CEP295: variants seen among roughly 807,000 people sequenced by gnomAD.
CEP295 encodes the protein centrosomal protein of 295 kDa.
In CEP295, 190 loss-of-function variants were observed where a neutral mutation model predicts 291.6. That is an observed-to-expected ratio of 0.65 (90% CI 0.58 to 0.73). The LOEUF is 0.73. CEP295 is among the 30% of genes least tolerant of loss of function. The pLI is 0.00. For synonymous variants in CEP295, 993 were observed against 1,038.8 expected (o/e 0.96, Z 0.85); for missense variants, 2,863 against 2,949.4 (o/e 0.97, Z 0.68).
intron 6 of CEP295, among the ~76,000 whole-genome samples, chr11:93,677,162 C>T (rs1283703648): frequency 6.6e-6 from 1 of 152,046 alleles, no homozygotes; most frequent in South Asian, 2.1e-4. Flanking sequence ...ATAAAATTAC[C>T]TCTGAATTTT....
chr11:93,678,550 A>G (rs1410099146), intron 6 of CEP295, among the ~76,000 whole-genome samples: 1 of 152,226 alleles, frequency 6.6e-6, no homozygotes, highest in East Asian at 1.9e-4. Flanking sequence ...CAGAATTTCA[A>G]CATACAAAAG....
chr11:93,718,614 T>C (rs1953445182), intron 18 of CEP295, among the ~76,000 whole-genome samples: 1 of 152,222 alleles, frequency 6.6e-6, no homozygotes, highest in Admixed American at 6.5e-5. Flanking sequence ...GAGGGAGTCT[T>C]CTAGGTATAT....
chr11:93,664,293 C>T (rs558857335), intron 1 of CEP295, among the ~76,000 whole-genome samples: 1 of 152,176 alleles, frequency 6.6e-6, no homozygotes, highest in Non-Finnish European at 1.5e-5. Context: ...ATTTTCGCCA[C>T]TCCACATATT....
chr11:93,728,578 C>T (rs1937738771), intron 24 of CEP295, 103 bp from the exon 25 acceptor site: 2 of 969,546 alleles, frequency 2.1e-6, no homozygotes, highest in African/African-American at 3.4e-5. Flanking sequence ...TCCATTTTCA[C>T]ATTTATATAC....
intron 1 of CEP295, among the ~76,000 whole-genome samples, chr11:93,665,931 AC>A (rs1485384040): frequency 6.6e-6 from 1 of 152,172 alleles, no homozygotes; most frequent in Non-Finnish European, 1.5e-5. Context: ...AATTACAGCA[AC>A]CTTGCTAGTT....
chr11:93,699,071 A>G lies in CEP295; in HGVS notation c.4159A>G (p.Ile1387Val), dbSNP rs1443297992. The G allele has an allele frequency of 6.5e-7, 1 of 1,546,274 alleles. No individual in the cohort carries two copies. Among genetic ancestry groups the G allele is most frequent in the East Asian group, 2.4e-5 (1 of 40,924 alleles). The change falls in exon 15 of 30, where the codon ATA (isoleucine) becomes GTA (valine). Residue 1387 changes from isoleucine to valine, a missense_variant. By Grantham distance (29) the Ile-to-Val change is conservative (BLOSUM62 3). Coordinates refer to ENST00000325212, the MANE Select transcript of CEP295 (RefSeq NM_033395.2). ...ACATCAGAGTGAATGGGAGGGAAGA[A>G]TATCTCCCGAGCAGGTTGACACCTC... is the stretch of plus-strand genomic sequence containing the variant. ...LLHQSEWEGR[I>V]SPEQVDTSSL...
intron 21 of CEP295, chr11:93,723,714 G>A (rs1374378705): frequency 6.3e-6 from 1 of 159,620 alleles, no homozygotes; most frequent in Non-Finnish European, 1.4e-5. Context: ...AAAGCACAAT[G>A]TCTGGCCCAT....
intron 17 of CEP295, among the ~76,000 whole-genome samples, chr11:93,705,056 T>C (rs974094599): frequency 1.7e-4 from 26 of 152,322 alleles, no homozygotes; most frequent in Non-Finnish European, 3.7e-4. Context: ...AATTGTCTTA[T>C]TTATTTAATT....
rs1044386923 is a variant in CEP295 at position 93,723,026 on chromosome 11, A to G, written c.5948-15A>G. ...CCTGGCCTATTTACATATTTTCATTAAACTCAATTTTCAGAGTCATTTTCA... is the reference window on the plus strand; with the variant it reads ...CCTGGCCTATTTACATATTTTCATTGAACTCAATTTTCAGAGTCATTTTCA... On this transcript the variant is annotated splice_polypyrimidine_tract_variant and intron_variant, in intron 20 of 29. Transcript: ENST00000325212. 40 of 1,546,814 alleles carry G rather than the reference A, an allele frequency of 2.6e-5. No individual in the cohort carries two copies. In the Admixed American group the frequency reaches 8.0e-4, roughly 31 times the overall value.
chr11:93,715,166 C>G (rs991101827), intron 18 of CEP295, among the ~76,000 whole-genome samples: 1 of 152,132 alleles, frequency 6.6e-6, no homozygotes, highest in African/African-American at 2.4e-5. Flanking sequence ...CTACTGGGTA[C>G]TCTACTGTGG....
chr11:93,713,314 T>A (rs920455897), intron 18 of CEP295, among the ~76,000 whole-genome samples: 7 of 152,230 alleles, frequency 4.6e-5, no homozygotes, highest in Non-Finnish European at 1.0e-4. Flanking sequence ...CTTCAGATCA[T>A]TTTTTATTGC....
At chr11:93,706,087 C>T (rs1019608957) in intron 17 of CEP295, among the ~76,000 whole-genome samples, 3 of 152,128 alleles carry the variant, frequency 2.0e-5, no homozygotes, top group African/African-American at 7.2e-5. Flanking sequence ...TTCGTTTTCT[C>T]CAGAGAATAA....
chr11:93,699,271 A>G lies in CEP295; in HGVS notation c.4359A>G (p.Gln1453=). ...LGLSHLVLPQ[Q]DNLIALEEHL... is the part of the protein sequence containing the mutation. The stretch of plus-strand genomic sequence containing the variant: ...TATCACATCTTGTTTTACCTCAACA[A>G]GATAATTTGATTGCACTTGAAGAAC... The change falls in exon 15 of 30, where the codon CAA becomes CAG. Residue 1453 remains glutamine (Q), a synonymous_variant. Transcript: ENST00000325212. 6.4e-7 allele frequency: 1 copy of G among 1,551,926 alleles called. No homozygotes were observed. The highest frequency in any genetic ancestry group is 8.7e-7 in the Non-Finnish European group (1 of 1,146,974).
Position 93,730,305 on chromosome 11 carries a change from T to C in CEP295, c.*36T>C. On this transcript the variant is annotated 3_prime_UTR_variant, in exon 30 of 30. Transcript: ENST00000325212. ...ATAGTGTAAAGGTTTTTTAATTGTG[T>C]ATATGTAGCATTAGACAAAATTATT... 5.0e-6 allele frequency: 7 copies of C among 1,389,230 alleles called. No homozygotes were observed. Among genetic ancestry groups the C allele is most frequent in the Non-Finnish European group, 7.0e-6 (7 of 1,003,374 alleles). 86.1% of individuals were successfully genotyped at this position (1,389,230 alleles called of 1,614,324 possible). A position where few individuals can be genotyped will look rare whatever the true frequency, so the allele number is the denominator to read the frequency against.
intron 7 of CEP295, among the ~76,000 whole-genome samples, chr11:93,681,886 A>C (rs988347241): frequency 9.3e-5 from 14 of 149,870 alleles, no homozygotes; most frequent in Non-Finnish European, 1.5e-4. Context: ...CTCCCCTGCC[A>C]CACCTCTCCT....
chr11:93,717,963 G>C (rs983052097), intron 18 of CEP295, among the ~76,000 whole-genome samples: 1 of 152,162 alleles, frequency 6.6e-6, no homozygotes, highest in Non-Finnish European at 1.5e-5. Flanking sequence ...CTAGGCTAGA[G>C]TGCAGTGGCA....
intron 15 of CEP295, among the ~76,000 whole-genome samples, chr11:93,700,857 A>G (rs1952113506): frequency 6.6e-6 from 1 of 152,182 alleles, no homozygotes; most frequent in Admixed American, 6.5e-5. Context: ...CTTTGTTGAC[A>G]TTTATATACA....
At chr11:93,719,879 C>T (rs1439148211) in intron 18 of CEP295, among the ~76,000 whole-genome samples, 2 of 152,020 alleles carry the variant, frequency 1.3e-5, no homozygotes, top group African/African-American at 4.8e-5. Flanking sequence ...TACAATATGT[C>T]TTGGTGAGCT....
intron 6 of CEP295, among the ~76,000 whole-genome samples, chr11:93,678,292 C>T (rs4753491): frequency 0.92 from 139,871 of 152,230 alleles, 65,073 homozygotes; most frequent in East Asian, 0.99. Flanking sequence ...ACTAAATACT[C>T]CTACAGATTA....
Sources: allele counts gnomAD v4.1 joint callset (sites outside exome capture counted in the v4.1 genomes callset), GRCh38; gene constraint gnomAD v4.1.1; transcripts MANE v1.5; gene names NCBI Gene and HGNC (gene_info 2026-07-23, HGNC 2026-07-21).